The following CCDC32 variants were observed in gnomAD, a reference collection of about 807,000 sequenced individuals.
The protein encoded by CCDC32 is coiled-coil domain containing 32.
In CCDC32, 9 loss-of-function variants were observed where a neutral mutation model predicts 20.1. That is an observed-to-expected ratio of 0.45 (90% CI 0.27 to 0.78). CCDC32 has a LOEUF of 0.78. CCDC32 is among the 30% of genes least tolerant of loss of function. The pLI, the probability that CCDC32 is intolerant of heterozygous loss-of-function variation, is 0.16. For missense variants in CCDC32, 204 were observed against 215.5 expected (o/e 0.95, Z 0.33); for synonymous variants, 63 against 79.0 (o/e 0.80, Z 1.07).
chr15:40,562,692 TAAC>T (rs1274757884), intron 2 of CCDC32, 77 bp downstream of exon 2: 42 of 1,482,684 alleles, frequency 2.8e-5, no homozygotes, highest in Non-Finnish European at 3.7e-5. Flanking sequence ...GTGACAGGAA[TAAC>T]AACAACACAA....
rs548138532 is a variant in CCDC32 at position 40,540,453 on chromosome 15, C to T, written c.402-1098G>A. On this transcript the variant is annotated intron_variant, in intron 3 of 3. Coordinates refer to the CCDC32 transcript ENST00000558113. ...CGTGATATCGGCTCACTGCAACCTCCGCCTCCTGGGTTCAAGCTATTCTCC... is the reference window on the plus strand; with the variant it reads ...CGTGATATCGGCTCACTGCAACCTCTGCCTCCTGGGTTCAAGCTATTCTCC... 2.4e-4 allele frequency among the ~76,000 whole-genome samples: 36 copies of T among 151,562 alleles called. 1 individual carries two copies. The highest frequency in any genetic ancestry group is 7.5e-4 in the African/African-American group (31 of 41,270).
intron 2 of CCDC32, 101 bp downstream of exon 2, chr15:40,562,671 G>A (rs1890725046): frequency 7.5e-7 from 1 of 1,341,702 alleles, no homozygotes; most frequent in South Asian, 1.4e-5. Context: ...AATTATATCT[G>A]ACAGATACGT....
At chr15:40,545,223 A>G (rs1198364665) in intron 3 of CCDC32, among the ~76,000 whole-genome samples, 1 of 152,146 alleles carries the variant, frequency 6.6e-6, no homozygotes, top group Non-Finnish European at 1.5e-5. Flanking sequence ...CCAATATTTG[A>G]TGGTCTCATC....
chr15:40,554,580 A>T (rs936979438), intron 3 of CCDC32, among the ~76,000 whole-genome samples: 15 of 152,178 alleles, frequency 9.9e-5, no homozygotes, highest in Non-Finnish European at 1.8e-4. Context: ...GGACTCAATT[A>T]TAGCACTTAC....
rs561008989 is a variant in CCDC32, at chr15:40,545,867, C to G, written c.402-6512G>C. 4.6e-5 allele frequency among the ~76,000 whole-genome samples: 7 copies of G among 152,330 alleles called. No individual in the cohort carries two copies. The South Asian group carries it at 1.4e-3, about 32-fold the overall frequency. Reference sequence around the variant, plus strand: ...TGCTCCCATATCCACTTCTCTCTAGCCTTGCCGCCACACCTCATTCATGTA... The same window carrying G: ...TGCTCCCATATCCACTTCTCTCTAGGCTTGCCGCCACACCTCATTCATGTA... On this transcript the variant is annotated intron_variant, in intron 3 of 3. Coordinates refer to the CCDC32 transcript ENST00000558113.
At chr15:40,544,369 C>A (rs7164385) in intron 3 of CCDC32, among the ~76,000 whole-genome samples, 1 of 151,852 alleles carries the variant, frequency 6.6e-6, no homozygotes, top group African/African-American at 2.4e-5. Flanking sequence ...TGCAGTACCA[C>A]GCCAGGCTAA....
At chr15:40,550,669 G>T (rs868346751), downstream of CCDC32, among the ~76,000 whole-genome samples, 1 of 152,116 alleles carries the variant, frequency 6.6e-6, no homozygotes, top group Non-Finnish European at 1.5e-5. Context: ...CATTGTTTAC[G>T]CTGTCACCTC....
chr15:40,548,210 T>C (rs2141621583), downstream of CCDC32, among the ~76,000 whole-genome samples: 1 of 152,320 alleles, frequency 6.6e-6, no homozygotes, highest in Admixed American at 6.5e-5. Flanking sequence ...TTTCACATTG[T>C]TAGGACGGAA....
chr15:40,538,918 G>C, downstream of CCDC32: 1 of 378,604 alleles, frequency 2.6e-6, no homozygotes, highest in Non-Finnish European at 4.9e-6. Flanking sequence ...CATGAGCGCT[G>C]CCAACTGGGG....
At chr15:40,550,423 A>C (rs1479933089), downstream of CCDC32, among the ~76,000 whole-genome samples, 1 of 152,204 alleles carries the variant, frequency 6.6e-6, no homozygotes, top group Non-Finnish European at 1.5e-5. Context: ...GGCCAATACT[A>C]TTTTTTCCTA....
At chr15:40,538,785 C>T (rs1389302249), downstream of CCDC32, 1 of 153,532 alleles carries the variant, frequency 6.5e-6, no homozygotes, top group Non-Finnish European at 1.4e-5. Context: ...TAATTTGGTT[C>T]TTTTTAATTT....
At chr15:40,563,700 ACACAC>A (rs745815768) in intron 1 of CCDC32, among the ~76,000 whole-genome samples, 7 of 151,914 alleles carry the variant, frequency 4.6e-5, no homozygotes, top group Non-Finnish European at 8.8e-5. Flanking sequence ...ACACACACAC[ACACAC>A]ACAAATCTGT....
At chr15:40,523,766 C>G (rs1308876060), downstream of CCDC32, among the ~76,000 whole-genome samples, 4 of 152,162 alleles carry the variant, frequency 2.6e-5, no homozygotes, top group African/African-American at 9.7e-5. Flanking sequence ...ACACACCCAC[C>G]AGAATGGCTA....
At chr15:40,523,325 A>G in the CCDC32 span, among the ~76,000 whole-genome samples, 1 of 151,758 alleles carries the variant, frequency 6.6e-6, no homozygotes, top group Non-Finnish European at 1.5e-5. Context: ...ACCAACATGG[A>G]GAAACCCCGT....
chr15:40,564,826 C>A, intron 1 of CCDC32, 150 bp downstream of exon 1: 1 of 1,613,936 alleles, frequency 6.2e-7, no homozygotes, highest in Non-Finnish European at 8.5e-7. Flanking sequence ...GCAGGAAATT[C>A]CGGCGTCCAG....
chr15:40,524,313 C>T (rs1001939875), downstream of CCDC32, among the ~76,000 whole-genome samples: 16 of 151,584 alleles, frequency 1.1e-4, no homozygotes, highest in Admixed American at 9.2e-4. Flanking sequence ...CCCGCCACCA[C>T]GCCCAGCTAA....
At chr15:40,521,340 A>G in the CCDC32 span, among the ~76,000 whole-genome samples, 11 of 152,340 alleles carry the variant, frequency 7.2e-5, no homozygotes, top group African/African-American at 2.6e-4. Flanking sequence ...CTCACTTGGC[A>G]TAACGTTTTC....
At chr15:40,526,999 G>C (rs973952114), downstream of CCDC32, among the ~76,000 whole-genome samples, 6 of 152,158 alleles carry the variant, frequency 3.9e-5, no homozygotes, top group African/African-American at 1.4e-4. Flanking sequence ...CACCGATACA[G>C]GAGTACAGTT....
chr15:40,540,370 C>CTTTTTTT (rs869261368), intron 3 of CCDC32, among the ~76,000 whole-genome samples: 1 of 83,030 alleles, frequency 1.2e-5, no homozygotes, highest in Non-Finnish European at 2.8e-5. Flanking sequence ...TTTTCTTTTT[C>CTTTTTTT]TTTTTTTTTT....
Sources: allele counts gnomAD v4.1 joint callset (sites outside exome capture counted in the v4.1 genomes callset), GRCh38; gene constraint gnomAD v4.1.1; transcripts MANE v1.5; gene names NCBI Gene and HGNC (gene_info 2026-07-23, HGNC 2026-07-21).